Variants in ISCU observed in about 807,000 individuals in gnomAD.
The protein encoded by ISCU is iron-sulfur cluster assembly enzyme.
In ISCU, 13 loss-of-function variants were observed where a neutral mutation model predicts 18.4. That is an observed-to-expected ratio of 0.71 (90% CI 0.46 to 1.12). The LOEUF (loss-of-function observed/expected upper bound fraction) is 1.12. Among genes scored for constraint, ISCU ranks in the 50% most tolerant of loss-of-function variants. The pLI is 0.00. For synonymous variants in ISCU, 104 were observed against 87.5 expected (o/e 1.19, Z -1.06); for missense variants, 229 against 208.7 (o/e 1.10, Z -0.60).
chr12:108,562,936 GGGGCCCCGCCGCTGGCC>G, intron 1 of ISCU, 200 bp downstream of exon 1: 1 of 395,020 alleles, frequency 2.5e-6, no homozygotes. Context: ...CGACTTCCAG[GGGGCCCCGCCGCTGGCC>G]GCGACTTCGT....
chr12:108,566,014 C>T (rs935249151), intron 3 of ISCU, among the ~76,000 whole-genome samples: 1 of 152,258 alleles, frequency 6.6e-6, no homozygotes, highest in Non-Finnish European at 1.5e-5. Flanking sequence ...CTGGTAGCTG[C>T]AGAGGTCAAA....
intron 3 of ISCU, 43 bp downstream of exon 3, chr12:108,565,474 A>C (rs548878731): frequency 7.6e-7 from 1 of 1,311,790 alleles, no homozygotes; most frequent in Admixed American, 1.7e-5. Flanking sequence ...ACAAGTAACC[A>C]TGACTTTTTT....
intron 4 of ISCU, 80 bp downstream of exon 4, chr12:108,567,348 C>A (rs908463140): frequency 2.6e-6 from 3 of 1,141,088 alleles, no homozygotes; most frequent in East Asian, 2.3e-5. Flanking sequence ...CCTTTTAGAT[C>A]ATGGAGCCCA....
At chr12:108,561,710 C>T (rs2030572182), upstream of ISCU, among the ~76,000 whole-genome samples, 1 of 152,072 alleles carries the variant, frequency 6.6e-6, no homozygotes, top group Non-Finnish European at 1.5e-5. Flanking sequence ...GTGAGTTTTC[C>T]GGTTTTATAA....
upstream of ISCU, chr12:108,561,528 G>A (rs986908923): frequency 5.4e-6 from 1 of 186,102 alleles, no homozygotes; most frequent in Non-Finnish European, 1.1e-5. Flanking sequence ...CTTACTTATC[G>A]CCTAGTGTGA....
intron 4 of ISCU, chr12:108,567,751 T>C: frequency 6.5e-7 from 1 of 1,535,856 alleles, no homozygotes; most frequent in Non-Finnish European, 8.7e-7. Flanking sequence ...ATGGTATTCC[T>C]GTCGGGGTCT....
chr12:108,563,561 A>C, intron 1 of ISCU: 1 of 190,374 alleles, frequency 5.3e-6, no homozygotes, highest in Non-Finnish European at 1.1e-5. Context: ...ACCAGTAACC[A>C]AACCTCAAGG....
upstream of ISCU, chr12:108,562,577 C>T (rs753080891): frequency 1.2e-5 from 14 of 1,142,398 alleles, no homozygotes; most frequent in South Asian, 2.1e-5. Context: ...AGACGCGCCC[C>T]GCCCCTCGGC....
chr12:108,568,765 T>C, intron 4 of ISCU, 66 bp from the exon 5 acceptor site: 1 of 1,564,228 alleles, frequency 6.4e-7, no homozygotes, highest in African/African-American at 1.3e-5. Flanking sequence ...CTCTTAAAGA[T>C]TCTATTCCCA....
At chr12:108,562,500 G>A (rs1204476081), upstream of ISCU, 15 of 524,702 alleles carry the variant, frequency 2.9e-5, no homozygotes, top group East Asian at 4.3e-4. Flanking sequence ...TGCACGGAGC[G>A]GTAAAGCGCA....
In ISCU at chr12:108,568,982, T is replaced by G; in HGVS notation, c.*66T>G. ...TTTCCCACCTGCTGTGCAGTCACCTTAGATGTTCAGAAGCCGCTTCCTCTC... is the reference window on the plus strand; with the variant it reads ...TTTCCCACCTGCTGTGCAGTCACCTGAGATGTTCAGAAGCCGCTTCCTCTC... On this transcript the variant is annotated 3_prime_UTR_variant, in exon 5 of 5. Coordinates refer to ENST00000311893, the MANE Select transcript of ISCU (RefSeq NM_213595.4). 1 of 1,385,840 alleles carries G rather than the reference T, an allele frequency of 7.2e-7. No homozygotes were observed. Among genetic ancestry groups the G allele is most frequent in the South Asian group, 1.2e-5 (1 of 81,982 alleles). The allele number at this position is 1,385,840 out of a possible 1,614,324, so 85.8% of individuals were successfully genotyped here. A position where few individuals can be genotyped will look rare whatever the true frequency, so the allele number is the denominator to read the frequency against.
chr12:108,562,197 T>C (rs1272187290), upstream of ISCU, among the ~76,000 whole-genome samples: 1 of 152,254 alleles, frequency 6.6e-6, no homozygotes, highest in East Asian at 1.9e-4. Flanking sequence ...CGAATTCTAA[T>C]TGAACATAAG....
At position 108,562,666 on chromosome 12, in the gene ISCU, C is replaced by G; in HGVS notation, c.44C>G (p.Ala15Gly). The G allele has an allele frequency of 6.9e-7, 1 of 1,456,484 alleles. No homozygotes were observed. 90.2% of individuals were successfully genotyped at this position (1,456,484 alleles called of 1,614,324 possible). A position where few individuals can be genotyped will look rare whatever the true frequency, so the allele number is the denominator to read the frequency against. The change falls in exon 1 of 5, where the codon GCT (alanine) becomes GGT (glycine). Residue 15 changes from alanine (A) to glycine (G), a missense_variant. Ala to Gly is a moderately conservative substitution (Grantham distance 60, BLOSUM62 0). Transcript: ENST00000311893. ...TTCCGTCTGAGGCGGGCGGCATCGG[C>G]TCTGCTGCTGCGGAGCCCCCGCCTG... ...GAFRLRRAASALLLRSPRLPA... is the reference protein window; with the variant it reads ...GAFRLRRAASGLLLRSPRLPA...
intron 4 of ISCU, chr12:108,567,676 C>G: frequency 6.5e-7 from 1 of 1,535,970 alleles, no homozygotes; most frequent in South Asian, 1.2e-5. Flanking sequence ...CTGTTTCCAG[C>G]AGAGGAGAAA....
Position 108,569,306 on chromosome 12 carries a change from G to A in ISCU, c.*390G>A. On this transcript the variant is annotated 3_prime_UTR_variant, in exon 5 of 5. Coordinates refer to ENST00000311893, the MANE Select transcript of ISCU (RefSeq NM_213595.4). ...TGAATATTTGATAGAACCAATTGTT[G>A]TACATAAAACAGATTGCGCATATAT... 1 of 155,296 alleles carries A rather than the reference G, an allele frequency of 6.4e-6. No homozygotes were observed. Among genetic ancestry groups the A allele is most frequent in the Non-Finnish European group, 1.2e-5 (1 of 83,126 alleles). 9.6% of individuals were successfully genotyped at this position (155,296 alleles called of 1,614,324 possible). A position where few individuals can be genotyped will look rare whatever the true frequency, so the allele number is the denominator to read the frequency against.
chr12:108,568,085 C>A, intron 4 of ISCU: 1 of 1,427,622 alleles, frequency 7.0e-7, no homozygotes, highest in Non-Finnish European at 9.1e-7. Flanking sequence ...GAAGCCTGGT[C>A]AGACCTAAGT....
At chr12:108,567,737 C>T in intron 4 of ISCU, 1 of 1,535,890 alleles carries the variant, frequency 6.5e-7, no homozygotes. Context: ...CACTTCCTGT[C>T]TGGATGGTAT....
At chr12:108,562,531 T>C (rs556474711), upstream of ISCU, 2 of 690,966 alleles carry the variant, frequency 2.9e-6, no homozygotes, top group South Asian at 2.9e-5. Context: ...TTCGGTGACG[T>C]CAGAGAGGCG....
chr12:108,562,486 C>A, upstream of ISCU: 4 of 487,708 alleles, frequency 8.2e-6, no homozygotes, highest in Non-Finnish European at 1.4e-5. Flanking sequence ...AGAAGGCGGA[C>A]GCGTGCACGG....
Sources: gnomAD v4.1 joint callset for allele counts (sites outside exome capture counted in the v4.1 genomes callset) on GRCh38, gnomAD v4.1.1 for gene constraint, MANE v1.5 for transcripts, NCBI Gene and HGNC (gene_info 2026-07-23, HGNC 2026-07-21) for gene names.